The following HHAT variants were observed in gnomAD, a reference collection of about 807,000 sequenced individuals.
HHAT encodes hedgehog acyltransferase.
Under a neutral mutation model 70.8 loss-of-function variants are expected in HHAT, and 47 were observed. The ratio of observed to expected loss-of-function variants is 0.66; its 90% CI spans 0.53 to 0.85. The LOEUF is 0.85. HHAT is among the 40% of genes least tolerant of loss of function. The pLI is 0.00. For missense variants in HHAT, 609 were observed against 604.8 expected (o/e 1.01, Z -0.07); for synonymous variants, 228 against 247.6 (o/e 0.92, Z 0.74).
intron 3 of HHAT, among the ~76,000 whole-genome samples, chr1:210,376,777 A>G (rs1418072083): frequency 6.6e-6 from 1 of 152,218 alleles, no homozygotes; most frequent in Non-Finnish European, 1.5e-5. Flanking sequence ...ACTCCAGCAT[A>G]GTTCTGCTCA....
intron 9 of HHAT, among the ~76,000 whole-genome samples, chr1:210,536,584 GTCTTT>G (rs1388259757): frequency 6.6e-6 from 1 of 152,260 alleles, no homozygotes; most frequent in Non-Finnish European, 1.5e-5. Flanking sequence ...GGGAGAATCT[GTCTTT>G]TCTTGAGTTG....
At chr1:210,415,595 T>A (rs1481457738) in intron 6 of HHAT, among the ~76,000 whole-genome samples, 1 of 152,162 alleles carries the variant, frequency 6.6e-6, no homozygotes, top group South Asian at 2.1e-4. Context: ...TATGGCTGCA[T>A]AAAATATCTT....
chr1:210,588,475 G>A, intron 10 of HHAT: 1 of 169,290 alleles, frequency 5.9e-6, no homozygotes, highest in Non-Finnish European at 1.3e-5. Context: ...AGAGATGATT[G>A]TATCGGGACC....
chr1:210,637,670 G>T (rs997180179), intron 11 of HHAT, among the ~76,000 whole-genome samples: 1 of 152,046 alleles, frequency 6.6e-6, no homozygotes, highest in Non-Finnish European at 1.5e-5. Context: ...GACCATCCTG[G>T]CCAACATGTT....
chr1:210,372,351 G>A (rs1260475242), intron 3 of HHAT, among the ~76,000 whole-genome samples: 1 of 152,184 alleles, frequency 6.6e-6, no homozygotes, highest in Non-Finnish European at 1.5e-5. Context: ...GTTTTGAACT[G>A]ACCCAAGCCT....
At chr1:210,497,259 G>T (rs536573667) in intron 8 of HHAT, among the ~76,000 whole-genome samples, 2 of 152,286 alleles carry the variant, frequency 1.3e-5, no homozygotes, top group Admixed American at 1.3e-4. Context: ...ATATTCCCTG[G>T]TGTGAAAACA....
intron 7 of HHAT, among the ~76,000 whole-genome samples, chr1:210,438,581 G>C (rs576023705): frequency 6.6e-6 from 1 of 151,664 alleles, no homozygotes; most frequent in Non-Finnish European, 1.5e-5. Context: ...TAATTTTGTA[G>C]GTCCTATTGG....
chr1:210,659,900 G>T (rs1396860073), intron 11 of HHAT, among the ~76,000 whole-genome samples: 3 of 152,088 alleles, frequency 2.0e-5, no homozygotes, highest in African/African-American at 7.2e-5. Flanking sequence ...AATAAAATAG[G>T]TATTGATGGA....
At chr1:210,660,008 C>T (rs1451765442) in intron 11 of HHAT, among the ~76,000 whole-genome samples, 2 of 152,170 alleles carry the variant, frequency 1.3e-5, no homozygotes, top group Non-Finnish European at 2.9e-5. Flanking sequence ...AAAACTGGCA[C>T]AAGACAGGGG....
At chr1:210,431,547 G>A (rs1468029584) in intron 7 of HHAT, among the ~76,000 whole-genome samples, 1 of 151,858 alleles carries the variant, frequency 6.6e-6, no homozygotes, top group Non-Finnish European at 1.5e-5. Context: ...GGGACAGTCT[G>A]TTATATTGCC....
chr1:210,529,444 G>A (rs1268603447), intron 9 of HHAT, among the ~76,000 whole-genome samples: 3 of 152,070 alleles, frequency 2.0e-5, no homozygotes, highest in Non-Finnish European at 2.9e-5. Flanking sequence ...AGTGTTTATT[G>A]TGACTTGTGT....
At chr1:210,494,459 A>G (rs561157064) in intron 8 of HHAT, among the ~76,000 whole-genome samples, 1 of 146,292 alleles carries the variant, frequency 6.8e-6, no homozygotes, top group Admixed American at 6.8e-5. Flanking sequence ...CGCTGGTAGG[A>G]TGGAGTTGCC....
At chr1:210,616,157 C>T (rs1239909334) in intron 10 of HHAT, among the ~76,000 whole-genome samples, 4 of 152,184 alleles carry the variant, frequency 2.6e-5, no homozygotes, top group Non-Finnish European at 4.4e-5. Context: ...AGCAAATTAA[C>T]ATGCACTACC....
At chr1:210,428,870 G>A (rs1056823808) in intron 7 of HHAT, among the ~76,000 whole-genome samples, 2 of 151,624 alleles carry the variant, frequency 1.3e-5, no homozygotes, top group African/African-American at 4.9e-5. Flanking sequence ...CAGCTACTCA[G>A]GAGGCTGAGA....
At chr1:210,569,889 A>G (rs1165990518) in intron 9 of HHAT, among the ~76,000 whole-genome samples, 1 of 152,094 alleles carries the variant, frequency 6.6e-6, no homozygotes, top group African/African-American at 2.4e-5. Flanking sequence ...CTCTAGACTG[A>G]CTGCCCCAGG....
In HHAT at chr1:210,564,678, T is replaced by C. The variant is rs76207512; in HGVS notation, c.1044-23220T>C. Among the ~76,000 whole-genome samples the C allele has an allele frequency of 3.7e-3, 565 of 152,262 alleles. 1 individual carries two copies. Among genetic ancestry groups the C allele is most frequent in the African/African-American group, 0.013 (535 of 41,536 alleles). On this transcript the variant is annotated intron_variant, in intron 9 of 11. Coordinates refer to ENST00000261458, the MANE Select transcript of HHAT (RefSeq NM_018194.6). ...GTGGTAAGACATAAAGCAGAAATTA[T>C]CTAAAGAGGAAAGTGGAGGGCACTG...
chr1:210,466,838 A>C (rs1452316952), intron 8 of HHAT, among the ~76,000 whole-genome samples: 1 of 152,156 alleles, frequency 6.6e-6, no homozygotes, highest in Non-Finnish European at 1.5e-5. Flanking sequence ...CATGTCTGTC[A>C]AGACCTTTGT....
chr1:210,462,602 A>G (rs1366581976), intron 7 of HHAT: 1 of 152,238 alleles, frequency 6.6e-6, no homozygotes, highest in African/African-American at 2.4e-5. Flanking sequence ...TAGCCCTTCC[A>G]GCAGGTATGA....
intron 7 of HHAT, among the ~76,000 whole-genome samples, chr1:210,433,738 C>A (rs571227088): frequency 6.6e-6 from 1 of 152,040 alleles, no homozygotes; most frequent in South Asian, 2.1e-4. Flanking sequence ...TTATTTTTCT[C>A]TCTTTTCAGG....
Sources: gnomAD v4.1 joint callset for allele counts (sites outside exome capture counted in the v4.1 genomes callset) on GRCh38, gnomAD v4.1.1 for gene constraint, MANE v1.5 for transcripts, NCBI Gene and HGNC (gene_info 2026-07-23, HGNC 2026-07-21) for gene names.